Variants in RBFOX1 observed in about 807,000 individuals in gnomAD.
RBFOX1 encodes RNA binding fox-1 homolog 1, also known as RNA binding protein fox-1 homolog 1.
Under a neutral mutation model 57.7 loss-of-function variants are expected in RBFOX1, and 8 were observed. The observed-to-expected ratio is 0.14, with a 90% CI of 0.08 to 0.25. The LOEUF (loss-of-function observed/expected upper bound fraction) is 0.25. RBFOX1 is among the 10% of genes least tolerant of loss of function. The probability of loss-of-function intolerance (pLI) is 1.00; values close to 1 mark genes in which losing one functional copy is unlikely to be tolerated. For synonymous variants in RBFOX1, 326 were observed against 222.4 expected, an observed-to-expected ratio of 1.47 and a Z score of -4.15; for missense variants, 611 against 548.5, an observed-to-expected ratio of 1.11 and a Z score of -1.14.
At chr16:5,592,693 T>C (rs1352843779) in intron 2 of RBFOX1, among the ~76,000 whole-genome samples, 2 of 152,214 alleles carry the variant, frequency 1.3e-5, no homozygotes, top group Admixed American at 1.3e-4. Flanking sequence ...GTTATTTTGA[T>C]GTTTTGCCTC....
chr16:5,733,897 G>C (rs150486281), intron 3 of RBFOX1, among the ~76,000 whole-genome samples: 12 of 152,046 alleles, frequency 7.9e-5, no homozygotes, highest in African/African-American at 2.9e-4. Context: ...GGCTGCTGAG[G>C]ACATCTATTC....
intron 1 of RBFOX1, among the ~76,000 whole-genome samples, chr16:6,250,468 T>C (rs2097600272): frequency 6.6e-6 from 1 of 152,152 alleles, no homozygotes; most frequent in South Asian, 2.1e-4. Context: ...CTATGGACCT[T>C]GGGCAGAGCA....
intron 3 of RBFOX1, among the ~76,000 whole-genome samples, chr16:6,743,578 C>T (rs987948549): frequency 6.6e-6 from 1 of 151,708 alleles, no homozygotes; most frequent in African/African-American, 2.4e-5. Flanking sequence ...CCCAACTGTA[C>T]AAAAAATTTA....
At chr16:7,181,411 G>T (rs2346602) in intron 4 of RBFOX1, among the ~76,000 whole-genome samples, 85,615 of 151,964 alleles carry the variant, frequency 0.56, 25,102 homozygotes, top group African/African-American at 0.74. Context: ...TTAATTAGGG[G>T]TCCCTGAGAT....
chr16:5,641,780 C>G (rs772280187), intron 3 of RBFOX1, among the ~76,000 whole-genome samples: 2 of 152,160 alleles, frequency 1.3e-5, no homozygotes, highest in East Asian at 1.9e-4. Context: ...GCCATGAAGA[C>G]CAGTGCATCT....
intron 2 of RBFOX1, among the ~76,000 whole-genome samples, chr16:6,645,931 A>G (rs2098530633): frequency 6.6e-6 from 1 of 152,128 alleles, no homozygotes; most frequent in African/African-American, 2.4e-5. Context: ...GTCCGGTAGG[A>G]TAAACCCTAG....
chr16:6,845,619 A>C (rs1353909193), intron 3 of RBFOX1, among the ~76,000 whole-genome samples: 1 of 152,028 alleles, frequency 6.6e-6, no homozygotes, highest in Non-Finnish European at 1.5e-5. Flanking sequence ...ACATTTTATC[A>C]GGACACTATC....
At chr16:5,714,245 A>G (rs934913351) in intron 3 of RBFOX1, among the ~76,000 whole-genome samples, 27 of 152,318 alleles carry the variant, frequency 1.8e-4, no homozygotes, top group Admixed American at 1.6e-3. Flanking sequence ...GCACATAGTC[A>G]TGTAACTTGC....
At chr16:7,449,052 C>G (rs893985993) in intron 4 of RBFOX1, among the ~76,000 whole-genome samples, 10 of 149,376 alleles carry the variant, frequency 6.7e-5, no homozygotes, top group Non-Finnish European at 1.3e-4. Context: ...GCGTCAGTCT[C>G]CGGAGTAGCT....
intron 4 of RBFOX1, among the ~76,000 whole-genome samples, chr16:7,116,201 C>T (rs2065870143): frequency 6.6e-6 from 1 of 152,124 alleles, no homozygotes. Context: ...TCTTAGGTCT[C>T]AGTTCATTTT....
At chr16:7,375,240 T>G (rs1296470083) in intron 4 of RBFOX1, among the ~76,000 whole-genome samples, 1 of 152,218 alleles carries the variant, frequency 6.6e-6, no homozygotes, top group Non-Finnish European at 1.5e-5. Flanking sequence ...CACTGTTAAA[T>G]GACACAGTCT....
intron 14 of RBFOX1, among the ~76,000 whole-genome samples, chr16:7,701,038 C>G (rs955164268): frequency 6.6e-6 from 1 of 152,128 alleles, no homozygotes; most frequent in African/African-American, 2.4e-5. Flanking sequence ...CTAAAAAGCT[C>G]AGATGTGTTC....
chr16:7,138,273 G>A (rs1459732748), intron 4 of RBFOX1, among the ~76,000 whole-genome samples: 2 of 152,110 alleles, frequency 1.3e-5, no homozygotes, highest in Non-Finnish European at 2.9e-5. Flanking sequence ...TATAAAGGGA[G>A]AAAAATAAGA....
intron 3 of RBFOX1, among the ~76,000 whole-genome samples, chr16:5,730,123 T>G (rs751409007): frequency 3.9e-5 from 6 of 152,188 alleles, no homozygotes; most frequent in Non-Finnish European, 8.8e-5. Flanking sequence ...CTGGGGAATT[T>G]AGGTTTTTGG....
chr16:5,265,002 C>CTCTG (rs2062823763), intron 1 of RBFOX1, among the ~76,000 whole-genome samples: 1 of 151,400 alleles, frequency 6.6e-6, no homozygotes, highest in Non-Finnish European at 1.5e-5. Flanking sequence ...TGGAATTTCT[C>CTCTG]TGTGTGTGTG....
At chr16:7,470,042 A>G (rs561208880) in intron 4 of RBFOX1, among the ~76,000 whole-genome samples, 2 of 149,662 alleles carry the variant, frequency 1.3e-5, no homozygotes, top group African/African-American at 4.9e-5. Flanking sequence ...CACTTTTAAC[A>G]TTGCATAATA....
At chr16:6,032,452 A>G (rs762779788) in intron 1 of RBFOX1, among the ~76,000 whole-genome samples, 4 of 152,032 alleles carry the variant, frequency 2.6e-5, no homozygotes. Context: ...AAAGGGATCC[A>G]CTCCAGGGAG....
chr16:5,391,716 A>G (rs889107586), intron 1 of RBFOX1, among the ~76,000 whole-genome samples: 2 of 151,912 alleles, frequency 1.3e-5, no homozygotes, highest in Admixed American at 6.6e-5. Flanking sequence ...TCTACATGTC[A>G]TCTCCCTTCT....
intron 4 of RBFOX1, among the ~76,000 whole-genome samples, chr16:7,327,813 C>CTTTTTTTTTTTTTTTTTTTTTTT (rs5741745): frequency 6.7e-6 from 1 of 149,252 alleles, no homozygotes; most frequent in Non-Finnish European, 1.5e-5. Context: ...ACAATATTAC[C>CTTTTTTTTTTTTTTTTTTTTTTT]TTTTTTTTTT....
Sources: allele counts gnomAD v4.1 joint callset (sites outside exome capture counted in the v4.1 genomes callset), GRCh38; gene constraint gnomAD v4.1.1; transcripts MANE v1.5; gene names NCBI Gene and HGNC (gene_info 2026-07-23, HGNC 2026-07-21).